PVT1: variants seen among roughly 807,000 people sequenced by gnomAD.
The protein encoded by PVT1 is CXCR4/PVT1 fusion.
chr8:128,056,780 C>T (rs1368267055), intron 4 of PVT1, among the ~76,000 whole-genome samples: 1 of 152,206 alleles, frequency 6.6e-6, no homozygotes, highest in African/African-American at 2.4e-5. Flanking sequence ...GGTTATTTCA[C>T]GAGTTGCTCC....
chr8:127,887,831 A>T (rs979180350), intron 2 of PVT1, among the ~76,000 whole-genome samples: 1 of 151,746 alleles, frequency 6.6e-6, no homozygotes, highest in Non-Finnish European at 1.5e-5. Flanking sequence ...CTTGGCCTAG[A>T]AACACTGTCT....
At chr8:127,816,154 A>G (rs1814656983) in intron 2 of PVT1, among the ~76,000 whole-genome samples, 1 of 152,112 alleles carries the variant, frequency 6.6e-6, no homozygotes, top group Non-Finnish European at 1.5e-5. Context: ...TGTCACCTAC[A>G]GGCCAGTTGG....
intron 2 of PVT1, among the ~76,000 whole-genome samples, chr8:127,818,245 C>T (rs922721767): frequency 6.6e-6 from 1 of 152,158 alleles, no homozygotes; most frequent in African/African-American, 2.4e-5. Flanking sequence ...TGCCCTTGAG[C>T]TTGGATACCC....
At chr8:127,992,513 A>G (rs1265518110) in intron 4 of PVT1, among the ~76,000 whole-genome samples, 1 of 152,144 alleles carries the variant, frequency 6.6e-6, no homozygotes, top group Non-Finnish European at 1.5e-5. Context: ...AGCTAGTACT[A>G]TAGGCACACA....
chr8:127,928,051 A>G (rs538467418), intron 3 of PVT1, among the ~76,000 whole-genome samples: 1 of 152,284 alleles, frequency 6.6e-6, no homozygotes, highest in East Asian at 1.9e-4. Flanking sequence ...GCTTGACCCA[A>G]TTACCCAATT....
At chr8:127,960,543 G>A (rs1401866539) in intron 3 of PVT1, 1 of 364,780 alleles carries the variant, frequency 2.7e-6, no homozygotes, top group African/African-American at 2.2e-5. Context: ...TTCAGTTGGT[G>A]GGAGATAGGA....
chr8:128,015,188 C>T (rs1586482075), intron 4 of PVT1, among the ~76,000 whole-genome samples: 1 of 151,954 alleles, frequency 6.6e-6, no homozygotes, highest in East Asian at 1.9e-4. Flanking sequence ...TATCTGGGTT[C>T]AAGCGATTCT....
At chr8:127,963,713 G>A (rs1459170769) in intron 3 of PVT1, among the ~76,000 whole-genome samples, 1 of 152,046 alleles carries the variant, frequency 6.6e-6, no homozygotes, top group Non-Finnish European at 1.5e-5. Flanking sequence ...TTTGGCACTT[G>A]GGAAACATCA....
intron 3 of PVT1, among the ~76,000 whole-genome samples, chr8:127,972,251 C>T (rs1013255169): frequency 5.9e-5 from 9 of 152,220 alleles, no homozygotes; most frequent in African/African-American, 2.2e-4. Context: ...CAGTGGCCTC[C>T]GTGGGGCAGG....
chr8:127,947,710 A>C (rs763410832), intron 3 of PVT1: 12 of 456,414 alleles, frequency 2.6e-5, no homozygotes, highest in Non-Finnish European at 5.3e-5. Flanking sequence ...TGCCCACCAG[A>C]GGCTGGGTCT....
At chr8:128,000,777 C>G (rs556399156) in intron 4 of PVT1, among the ~76,000 whole-genome samples, 1 of 152,122 alleles carries the variant, frequency 6.6e-6, no homozygotes, top group African/African-American at 2.4e-5. Flanking sequence ...GAACCAGCTG[C>G]GTTGTGCTAC....
intron 3 of PVT1, among the ~76,000 whole-genome samples, chr8:127,902,523 T>C (rs1815771493): frequency 6.6e-6 from 1 of 151,902 alleles, no homozygotes; most frequent in Admixed American, 6.6e-5. Context: ...TGGAGTATGA[T>C]TGAACTCATC....
intron 3 of PVT1, among the ~76,000 whole-genome samples, chr8:127,914,640 T>A (rs151219895): frequency 6.6e-6 from 1 of 152,296 alleles, no homozygotes; most frequent in Non-Finnish European, 1.5e-5. Context: ...ACAACATGGA[T>A]GAACCTCAAA....
In PVT1 at chr8:128,029,067, T is replaced by C. The variant is rs185493172; in HGVS notation, n.912+39776T>C. 3.1e-3 allele frequency among the ~76,000 whole-genome samples: 465 copies of C among 152,146 alleles called. 2 individuals carry two copies. The highest frequency in any genetic ancestry group is 3.8e-3 in the Non-Finnish European group (257 of 68,012). On this transcript the variant is annotated intron_variant and non_coding_transcript_variant, in intron 4 of 10. Coordinates refer to ENST00000651587, the Ensembl canonical transcript of PVT1. ...TATGTTGCCCAGGCTGGCCTCAAAC[T>C]CCTGGACTCAGGTAATCCTCCCACC...
chr8:128,066,360 G>A (rs1813910812), intron 4 of PVT1, among the ~76,000 whole-genome samples: 2 of 152,232 alleles, frequency 1.3e-5, no homozygotes, highest in South Asian at 4.1e-4. Flanking sequence ...GCTATGTGTA[G>A]AGGCTGCCAC....
intron 3 of PVT1, among the ~76,000 whole-genome samples, chr8:127,894,624 A>G (rs1388803858): frequency 2.6e-5 from 4 of 152,278 alleles, no homozygotes; most frequent in Admixed American, 6.5e-5. Flanking sequence ...AACTCAAATT[A>G]GAAAAAGGCA....
chr8:127,797,284 G>T (rs1394396053), intron 2 of PVT1, among the ~76,000 whole-genome samples: 1 of 152,034 alleles, frequency 6.6e-6, no homozygotes, highest in South Asian at 2.1e-4. Context: ...TGCCCTCCTC[G>T]GCCTCCCAAA....
chr8:127,966,175 A>G (rs1335373775), intron 3 of PVT1, among the ~76,000 whole-genome samples: 3 of 152,194 alleles, frequency 2.0e-5, no homozygotes, highest in Non-Finnish European at 2.9e-5. Context: ...GAGAATGCAA[A>G]CGTTAATAGT....
At chr8:128,033,890 C>T (rs1813428240) in intron 4 of PVT1, among the ~76,000 whole-genome samples, 1 of 152,130 alleles carries the variant, frequency 6.6e-6, no homozygotes, top group African/African-American at 2.4e-5. Flanking sequence ...CACTTGCCTG[C>T]CTGAGGCCCC....
Sources: gnomAD v4.1 joint callset for allele counts (sites outside exome capture counted in the v4.1 genomes callset) on GRCh38, gnomAD v4.1.1 for gene constraint, MANE v1.5 for transcripts, NCBI Gene and HGNC (gene_info 2026-07-23, HGNC 2026-07-21) for gene names.